The following WARS2 variants were observed in gnomAD, a reference collection of about 807,000 sequenced individuals.
WARS2 encodes the protein tryptophanyl tRNA synthetase 2, mitochondrial, also known as tryptophan--tRNA ligase, mitochondrial.
A neutral mutation model predicts 36.5 loss-of-function variants in WARS2; 28 were observed. The observed-to-expected ratio is 0.77, with a 90% CI of 0.57 to 1.05. The LOEUF is 1.05. Ranked by LOEUF, WARS2 falls within the 50% of genes least tolerant of loss-of-function variation. WARS2 has a pLI of 0.00. For synonymous variants in WARS2, 174 were observed against 178.4 expected, an observed-to-expected ratio of 0.98 and a Z score of 0.20; for missense variants, 435 against 456.8, an observed-to-expected ratio of 0.95 and a Z score of 0.44.
intron 4 of WARS2, among the ~76,000 whole-genome samples, chr1:119,040,704 A>G (rs1648277947): frequency 6.6e-6 from 1 of 152,210 alleles, no homozygotes; most frequent in African/African-American, 2.4e-5. Context: ...ATAACCAAGT[A>G]ACAGCTCCTA....
chr1:119,032,635 G>T lies in WARS2; in HGVS notation c.*276C>A. 2.3e-6 allele frequency: 1 copy of T among 432,304 alleles called. No individual in the cohort carries two copies. 26.8% of individuals were successfully genotyped at this position (432,304 alleles called of 1,614,324 possible). A position where few individuals can be genotyped will look rare whatever the true frequency, so the allele number is the denominator to read the frequency against. On this transcript the variant is annotated 3_prime_UTR_variant, in exon 6 of 6. Coordinates refer to ENST00000235521, the MANE Select transcript of WARS2 (RefSeq NM_015836.4). The stretch of plus-strand genomic sequence containing the variant: ...TACTCCTTACTTCAATCACATTTCT[G>T]CAGGCCAAGGAGTGTGCCTCAATAA...
At chr1:119,079,923 A>T (rs1342046317) in intron 1 of WARS2, among the ~76,000 whole-genome samples, 1 of 152,172 alleles carries the variant, frequency 6.6e-6, no homozygotes, top group East Asian at 1.9e-4. Context: ...AAATCCCCAA[A>T]TCATAATCTA....
At chr1:119,036,143 A>T (rs1313197278) in intron 4 of WARS2, among the ~76,000 whole-genome samples, 1 of 152,172 alleles carries the variant, frequency 6.6e-6, no homozygotes, top group Non-Finnish European at 1.5e-5. Context: ...GCGGAGGTGG[A>T]GGCTGCGGTG....
intron 1 of WARS2, among the ~76,000 whole-genome samples, chr1:119,138,185 C>T (rs914692844): frequency 1.3e-5 from 2 of 152,124 alleles, no homozygotes; most frequent in African/African-American, 4.8e-5. Flanking sequence ...ATGTCTAATG[C>T]ATCTGGTTTA....
chr1:119,080,526 G>A (rs998627202), intron 1 of WARS2, among the ~76,000 whole-genome samples: 1 of 152,106 alleles, frequency 6.6e-6, no homozygotes, highest in East Asian at 1.9e-4. Context: ...TGAGACCAAC[G>A]AGAAGTGTTT....
chr1:119,123,696 C>T (rs768795509), intron 1 of WARS2, among the ~76,000 whole-genome samples: 3 of 152,080 alleles, frequency 2.0e-5, no homozygotes, highest in Non-Finnish European at 4.4e-5. Flanking sequence ...CATCTTTTAC[C>T]TATCTGGATA....
chr1:119,095,633 A>G (rs587641382), intron 1 of WARS2, among the ~76,000 whole-genome samples: 1 of 152,084 alleles, frequency 6.6e-6, no homozygotes, highest in East Asian at 1.9e-4. Flanking sequence ...GGGTTTCACC[A>G]TCTTGGCCAG....
intron 1 of WARS2, among the ~76,000 whole-genome samples, chr1:119,093,455 A>G (rs983806991): frequency 1.1e-4 from 4 of 35,208 alleles, no homozygotes; most frequent in Non-Finnish European, 2.0e-4. Flanking sequence ...TCGCAGATAT[A>G]ATCAGTTAAG....
chr1:119,065,748 G>A (rs1467965951), intron 2 of WARS2, among the ~76,000 whole-genome samples: 1 of 151,838 alleles, frequency 6.6e-6, no homozygotes, highest in Admixed American at 6.6e-5. Context: ...TTTATCAAGA[G>A]GAAACAAAGG....
chr1:119,127,697 T>C (rs933168740), intron 1 of WARS2, among the ~76,000 whole-genome samples: 2 of 152,072 alleles, frequency 1.3e-5, no homozygotes, highest in East Asian at 1.9e-4. Flanking sequence ...TCAGCAAACT[T>C]ACCTAGACCC....
At chr1:119,059,026 T>C (rs893869782) in intron 2 of WARS2, among the ~76,000 whole-genome samples, 1 of 152,172 alleles carries the variant, frequency 6.6e-6, no homozygotes, top group African/African-American at 2.4e-5. Context: ...TAGTATCTCA[T>C]TGTGGTTTTG....
At chr1:119,052,798 G>A (rs958722750) in intron 2 of WARS2, among the ~76,000 whole-genome samples, 8 of 152,270 alleles carry the variant, frequency 5.3e-5, no homozygotes, top group Middle Eastern at 6.8e-3. Flanking sequence ...TGACATATTG[G>A]TACCTATAGC....
intron 2 of WARS2, chr1:119,064,061 G>A (rs1470878503): frequency 6.6e-6 from 1 of 152,246 alleles, no homozygotes; most frequent in East Asian, 1.9e-4. Context: ...CCAGGAGGGA[G>A]GCTGTACCCT....
intron 1 of WARS2, among the ~76,000 whole-genome samples, chr1:119,077,484 G>C (rs1356295551): frequency 6.6e-6 from 1 of 151,974 alleles, no homozygotes; most frequent in Non-Finnish European, 1.5e-5. Flanking sequence ...TTATATTGTT[G>C]ATATTATAAT....
chr1:119,042,572 G>A (rs1267846754), intron 3 of WARS2, among the ~76,000 whole-genome samples: 3 of 151,954 alleles, frequency 2.0e-5, no homozygotes, highest in Admixed American at 6.6e-5. Context: ...TTTCATCACT[G>A]CCCCTTTAAG....
intron 2 of WARS2, among the ~76,000 whole-genome samples, chr1:119,074,797 C>T (rs933208108): frequency 1.3e-5 from 2 of 152,146 alleles, no homozygotes; most frequent in African/African-American, 4.8e-5. Context: ...TGGAATACTA[C>T]ACAGTCATAA....
intron 2 of WARS2, among the ~76,000 whole-genome samples, chr1:119,060,154 C>T (rs1433822151): frequency 6.6e-6 from 1 of 152,188 alleles, no homozygotes; most frequent in Non-Finnish European, 1.5e-5. Context: ...GCTTTCACTT[C>T]TAGTAATGGC....
At chr1:119,125,178 C>T (rs1655569272) in intron 1 of WARS2, among the ~76,000 whole-genome samples, 3 of 152,292 alleles carry the variant, frequency 2.0e-5, no homozygotes, top group Non-Finnish European at 2.9e-5. Flanking sequence ...GTTTAGCCCC[C>T]ACCTCATGGC....
chr1:119,137,267 C>G (rs372064177), intron 1 of WARS2, among the ~76,000 whole-genome samples: 68 of 152,212 alleles, frequency 4.5e-4, no homozygotes, highest in Admixed American at 3.1e-3. Flanking sequence ...CTCTGTAAAT[C>G]TAAAATTATT....
Sources: allele counts gnomAD v4.1 joint callset (sites outside exome capture counted in the v4.1 genomes callset), GRCh38; gene constraint gnomAD v4.1.1; transcripts MANE v1.5; gene names NCBI Gene and HGNC (gene_info 2026-07-23, HGNC 2026-07-21).